The following FGFR3 variants were observed in gnomAD, a reference collection of about 807,000 sequenced individuals.
The protein encoded by FGFR3 is fibroblast growth factor receptor 3.
In FGFR3, 25 loss-of-function variants were observed where a neutral mutation model predicts 82.9. The observed-to-expected ratio is 0.30, with a 90% CI of 0.22 to 0.42. The LOEUF (loss-of-function observed/expected upper bound fraction) is 0.42. Ranked by LOEUF, FGFR3 falls within the 10% of genes least tolerant of loss-of-function variation. The pLI, the probability that FGFR3 is intolerant of heterozygous loss-of-function variation, is 1.00. For missense variants in FGFR3, 1,026 were observed against 1,161.0 expected (o/e 0.88, Z 1.69); for synonymous variants, 620 against 516.0 (o/e 1.20, Z -2.73).
At chr4:1,804,773 C>T (rs1185594179) in intron 9 of FGFR3, 51 bp from the exon 10 acceptor site, 3 of 1,547,710 alleles carry the variant, frequency 1.9e-6, no homozygotes, top group Middle Eastern at 2.2e-4. Context: ...GGCTGTACCT[C>T]CACGCCCTGT....
intron 9 of FGFR3, 111 bp from the exon 10 acceptor site, chr4:1,804,713 A>G: frequency 3.5e-6 from 5 of 1,437,882 alleles, no homozygotes; most frequent in South Asian, 1.2e-5. Flanking sequence ...TCTTCATTCA[A>G]TGCTGGTGGA....
rs1237929143 is a variant in FGFR3 at position 1,807,674 on chromosome 4, A to G, written c.*412A>G. The G allele has an allele frequency of 1.6e-6, 1 of 622,406 alleles. No homozygotes were observed. Among genetic ancestry groups the G allele is most frequent in the South Asian group, 1.4e-5 (1 of 72,490 alleles). 38.6% of individuals were successfully genotyped at this position (622,406 alleles called of 1,614,324 possible). A position where few individuals can be genotyped will look rare whatever the true frequency, so the allele number is the denominator to read the frequency against. On this transcript the variant is annotated 3_prime_UTR_variant, in exon 18 of 18. Coordinates refer to ENST00000440486, the MANE Select transcript of FGFR3 (RefSeq NM_000142.5). ...CACAGGGTGGGCCTCGGCCCCTCCC[A>G]CACCCAAAGCTGAGCCTGCAGGGAA... is the stretch of plus-strand genomic sequence containing the variant.
chr4:1,806,981 CT>C lies in FGFR3; in HGVS notation c.2274+48del, dbSNP rs1330136187. 1.9e-6 allele frequency: 3 copies of C among 1,565,868 alleles called. No homozygotes were observed. The South Asian group carries it at 3.5e-5, about 18-fold the overall frequency. ...GTGCCACCCGCCTATGCCCCTCCCCCTGCCGTCCCCGGCCATCCTGCCCCCC... is the reference window on the plus strand; with the variant it reads ...GTGCCACCCGCCTATGCCCCTCCCCCGCCGTCCCCGGCCATCCTGCCCCCC... On this transcript the variant is annotated intron_variant, in intron 17 of 17. Coordinates refer to ENST00000440486, the MANE Select transcript of FGFR3 (RefSeq NM_000142.5).
rs1722275423 is a variant in FGFR3 at position 1,808,798 on chromosome 4, C to G, written c.*1536C>G. On this transcript the variant is annotated 3_prime_UTR_variant, in exon 18 of 18. Transcript: ENST00000440486. ...GTGCATGGTGGCCAGAGGTGTCACC[C>G]AAACCGGCAGGTGCGATTTTGTTAA... The G allele has an allele frequency of 4.3e-6, 1 of 231,194 alleles. No homozygotes were observed. The highest frequency in any genetic ancestry group is 8.6e-6 in the Non-Finnish European group (1 of 116,720). 14.3% of individuals were successfully genotyped at this position (231,194 alleles called of 1,614,324 possible).
chr4:1,799,703 C>T (rs749725441), intron 3 of FGFR3, 44 bp from the exon 4 acceptor site: 2 of 1,609,634 alleles, frequency 1.2e-6, no homozygotes, highest in South Asian at 2.2e-5. Context: ...TGGGGGCCTC[C>T]TGGGGCAGGT....
chr4:1,794,555 G>C (rs1187417340), intron 2 of FGFR3, among the ~76,000 whole-genome samples: 1 of 152,130 alleles, frequency 6.6e-6, no homozygotes, highest in East Asian at 1.9e-4. Context: ...CCCCGCTGCC[G>C]ACCCTGCCCC....
In FGFR3 at chr4:1,805,440, G is replaced by A. The variant is rs751635116; in HGVS notation, c.1498G>A (p.Ala500Thr). The A allele has an allele frequency of 3.8e-5, 61 of 1,611,720 alleles. No individual in the cohort carries two copies. In the East Asian group the frequency reaches 5.6e-4, roughly 15 times the overall value. ...EAIGIDKDRA[A>T]KPVTVAVKML... is the part of the protein sequence containing the mutation. ...CATCGGCATTGACAAGGACCGGGCC[G>A]CCAAGCCTGTCACCGTAGCCGTGAA... Residue 500 changes from alanine to threonine, a missense_variant, in exon 11 of 18, where the codon GCC (alanine) becomes ACC (threonine). Ala to Thr is a moderately conservative substitution (Grantham distance 58). This residue lies in a region of FGFR3 where 164 missense variants were observed against 167.5 expected (regional missense o/e 0.98). Coordinates refer to ENST00000440486, the MANE Select transcript of FGFR3 (RefSeq NM_000142.5).
rs540859908 is a variant in FGFR3, at chr4:1,794,695, A to T, written c.109+652A>T. On this transcript the variant is annotated intron_variant, in intron 2 of 17. Transcript: ENST00000440486. ...GGTCCCGCGGGACGTCGAGGGTCTG[A>T]AGGGAGGTCCCAAGGGGCGAGGGGA... Among the ~76,000 whole-genome samples the T allele has an allele frequency of 2.6e-5, 4 of 152,078 alleles. No individual in the cohort carries two copies. In the South Asian group the frequency reaches 8.3e-4, roughly 31 times the overall value.
At position 1,805,107 on chromosome 4, in the gene FGFR3, G is replaced by T. The variant is rs4865476; in HGVS notation, c.1412+138G>T. 2.4e-5 allele frequency: 32 copies of T among 1,346,938 alleles called. No homozygotes were observed. In the East Asian group the frequency reaches 7.8e-4, roughly 33 times the overall value. 83.4% of individuals were successfully genotyped at this position (1,346,938 alleles called of 1,614,324 possible). On this transcript the variant is annotated intron_variant, in intron 10 of 17. Transcript: ENST00000440486. ...TTGGGTGTGGCTGGGGTTCTGTGGA[G>T]ATGCTCCTGGGACGGGTGTATGGCA...
At chr4:1,796,637 A>G (rs1720549578) in intron 2 of FGFR3, among the ~76,000 whole-genome samples, 1 of 152,094 alleles carries the variant, frequency 6.6e-6, no homozygotes, top group Non-Finnish European at 1.5e-5. Flanking sequence ...AGGCTCCCCC[A>G]TCCTCTCAGC....
rs1721655019 is a variant in FGFR3 at position 1,804,709 on chromosome 4, T to C, written c.1267-115T>C. On this transcript the variant is annotated intron_variant, in intron 9 of 17. Transcript: ENST00000440486. ...GCACGAAACATTCTAAAAATCTTCA[T>C]TCAATGCTGGTGGAAGTCAGAACGC... The C allele has an allele frequency of 3.5e-6, 5 of 1,442,636 alleles. No homozygotes were observed. The Admixed American group carries it at 7.9e-5, about 23-fold the overall frequency. 89.4% of individuals were successfully genotyped at this position (1,442,636 alleles called of 1,614,324 possible). A position where few individuals can be genotyped will look rare whatever the true frequency, so the allele number is the denominator to read the frequency against.
At chr4:1,804,687 C>A in intron 9 of FGFR3, 137 bp from the exon 10 acceptor site, 1 of 1,428,478 alleles carries the variant, frequency 7.0e-7, no homozygotes, top group Non-Finnish European at 9.6e-7. Flanking sequence ...CTTTGGGGCA[C>A]GAAACATTCT....
chr4:1,796,536 C>G (rs3135853), intron 2 of FGFR3, among the ~76,000 whole-genome samples: 14,552 of 152,148 alleles, frequency 0.096, 1,810 homozygotes, highest in African/African-American at 0.29. Flanking sequence ...CCCCAAAACC[C>G]AAATAAACCC....
rs774814331 is a variant in FGFR3, at chr4:1,804,361, G to A, written c.1107G>A (p.Ala369=). The change falls in exon 9 of 18, where the codon GCG becomes GCA. Residue 369 remains alanine, a synonymous_variant. Coordinates refer to ENST00000440486, the MANE Select transcript of FGFR3 (RefSeq NM_000142.5). Reference sequence around the variant, plus strand: ...AGGAGCTGGTGGAGGCTGACGAGGCGGGCAGTGTGTATGCAGGCATCCTCA... The same window carrying A: ...AGGAGCTGGTGGAGGCTGACGAGGCAGGCAGTGTGTATGCAGGCATCCTCA... The part of the protein sequence containing the change: ...AEEELVEADE[A]GSVYAGILSY... 3.1e-5 allele frequency: 50 copies of A among 1,611,716 alleles called. No individual in the cohort carries two copies. In the East Asian group the frequency reaches 6.9e-4, roughly 22 times the overall value.
chr4:1,802,359 C>T (rs1721299664), intron 7 of FGFR3, among the ~76,000 whole-genome samples: 2 of 152,296 alleles, frequency 1.3e-5, no homozygotes, highest in South Asian at 2.1e-4. Flanking sequence ...GCCCTCCAGG[C>T]CCCCTCTGGG....
rs915078175 is a variant in FGFR3, at chr4:1,793,715, G to C, written c.-102-118G>C. The C allele has an allele frequency of 7.0e-4, 106 of 151,866 alleles. No individual in the cohort carries two copies. The East Asian group carries it at 0.019, about 28-fold the overall frequency. The allele number at this position is 151,866 out of a possible 1,614,324, so 9.4% of individuals were successfully genotyped here. ...GGCGCCAGGCGGCCCGGGAGCCCTGGGCGGCGGCGGCGGCGGGCGGGGCGG... is the reference window on the plus strand; with the variant it reads ...GGCGCCAGGCGGCCCGGGAGCCCTGCGCGGCGGCGGCGGCGGGCGGGGCGG... On this transcript the variant is annotated intron_variant, in intron 1 of 17. Transcript: ENST00000440486.
rs771479750 is a variant in FGFR3 at position 1,806,561 on chromosome 4, C to T, written c.2046C>T (p.Val682=). ...TCCCCTGCAGCTGGTCCTTTGGGGT[C>T]CTGCTCTGGGAGATCTTCACGCTGG... The part of the protein sequence containing the change: ...THQSDVWSFG[V]LLWEIFTLGG... The change falls in exon 16 of 18, where the codon GTC becomes GTT. Residue 682 remains valine (V), a synonymous_variant. Coordinates refer to ENST00000440486, the MANE Select transcript of FGFR3 (RefSeq NM_000142.5). 1.2e-6 allele frequency: 2 copies of T among 1,612,980 alleles called. No individual in the cohort carries two copies. Among genetic ancestry groups the T allele is most frequent in the Non-Finnish European group, 1.7e-6 (2 of 1,179,940 alleles).
chr4:1,807,826 A>T lies in FGFR3; in HGVS notation c.*564A>T. 1 of 459,894 alleles carries T rather than the reference A, an allele frequency of 2.2e-6. No individual in the cohort carries two copies. Among genetic ancestry groups the T allele is most frequent in the Non-Finnish European group, 4.1e-6 (1 of 242,154 alleles). The allele number at this position is 459,894 out of a possible 1,614,324, so 28.5% of individuals were successfully genotyped here. A position where few individuals can be genotyped will look rare whatever the true frequency, so the allele number is the denominator to read the frequency against. ...CGGGTACCTGAAGATGGGAGCCTTT[A>T]CCTTTTATGCAAAAGGTTTATTCCG... On this transcript the variant is annotated 3_prime_UTR_variant, in exon 18 of 18. Transcript: ENST00000440486.
At chr4:1,804,992 G>A (rs1489059403) in intron 10 of FGFR3, 23 bp downstream of exon 10, 12 of 1,537,620 alleles carry the variant, frequency 7.8e-6, no homozygotes, top group African/African-American at 4.1e-5. Context: ...GAGGGCCAGC[G>A]TTGGCTGTAG....
Sources: allele counts gnomAD v4.1 joint callset (sites outside exome capture counted in the v4.1 genomes callset), GRCh38; gene constraint gnomAD v4.1.1; regional missense constraint gnomAD v4.1.1; transcripts MANE v1.5; gene names NCBI Gene and HGNC (gene_info 2026-07-23, HGNC 2026-07-21).